The following LINGO1 variants were observed in gnomAD, a reference collection of about 807,000 sequenced individuals.
LINGO1 encodes leucine-rich repeat and immunoglobulin-like domain-containing nogo receptor-interacting protein 1.
Under a neutral mutation model 37.3 loss-of-function variants are expected in LINGO1, and 11 were observed. The observed-to-expected ratio is 0.29, with a 90% CI of 0.19 to 0.49. The LOEUF (loss-of-function observed/expected upper bound fraction) is 0.49. Ranked by LOEUF, LINGO1 falls within the 20% of genes least tolerant of loss-of-function variation. LINGO1 has a pLI of 0.99. For missense variants in LINGO1, 585 were observed against 878.2 expected, an observed-to-expected ratio of 0.67 and a Z score of 4.22; for synonymous variants, 387 against 403.0, an observed-to-expected ratio of 0.96 and a Z score of 0.48.
rs973578379 is a variant in LINGO1 at position 77,615,518 on chromosome 15, C to T, written c.389G>A (p.Arg130His). ...GACGCCTAGCGGGATGAGCTTCAGG[C>T]GGTTGCTGCGGAGACCCAGCGTCCG... ...NLRTLGLRSN[R>H]LKLIPLGVFT... Residue 130 changes from arginine (R) to histidine (H), a missense_variant, in exon 2 of 2, where the codon CGC (arginine) becomes CAC (histidine). Arg to His is a conservative substitution (Grantham distance 29). This residue lies in a region of LINGO1 where 484 missense variants were observed against 735.0 expected (regional missense o/e 0.66). Coordinates refer to ENST00000355300, the MANE Select transcript of LINGO1 (RefSeq NM_032808.7). The T allele has an allele frequency of 3.7e-6, 6 of 1,613,700 alleles. No homozygotes were observed. Among genetic ancestry groups the T allele is most frequent in the African/African-American group, 1.3e-5 (1 of 74,938 alleles).
chr15:77,743,822 G>C (rs551056931), intron 1 of LINGO1, among the ~76,000 whole-genome samples: 1 of 151,980 alleles, frequency 6.6e-6, no homozygotes, highest in African/African-American at 2.4e-5. Flanking sequence ...AGACTGCGGG[G>C]GTGGGGGAGT....
intron 3 of LINGO1, among the ~76,000 whole-genome samples, chr15:77,644,782 G>C (rs1284951622): frequency 6.6e-6 from 1 of 152,198 alleles, no homozygotes; most frequent in African/African-American, 2.4e-5. Context: ...AGAGGGGTGA[G>C]GTAAGTTGCA....
At chr15:77,820,744 G>A (rs1300606910), upstream of LINGO1, 1 of 152,282 alleles carries the variant, frequency 6.6e-6, no homozygotes, top group African/African-American at 2.4e-5. Flanking sequence ...AGAAGGGGGA[G>A]TCCCAAGGTA....
chr15:77,709,799 G>A (rs2075896134), intron 2 of LINGO1, among the ~76,000 whole-genome samples: 1 of 152,210 alleles, frequency 6.6e-6, no homozygotes, highest in African/African-American at 2.4e-5. Context: ...GTCCCTTGAT[G>A]AGCACCTACG....
At chr15:77,724,233 T>C (rs1297592121) in intron 2 of LINGO1, among the ~76,000 whole-genome samples, 1 of 152,094 alleles carries the variant, frequency 6.6e-6, no homozygotes, top group Non-Finnish European at 1.5e-5. Context: ...CATGCACACA[T>C]ACAGATGCAC....
chr15:77,641,135 C>G (rs2074496449), intron 3 of LINGO1, among the ~76,000 whole-genome samples: 1 of 152,218 alleles, frequency 6.6e-6, no homozygotes, highest in South Asian at 2.1e-4. Flanking sequence ...AGGGGAGAGA[C>G]AGCCAGCCCT....
At chr15:77,715,626 T>C (rs2075974492) in intron 2 of LINGO1, among the ~76,000 whole-genome samples, 1 of 152,174 alleles carries the variant, frequency 6.6e-6, no homozygotes, top group Non-Finnish European at 1.5e-5. Flanking sequence ...CACAAAGAAA[T>C]AATGGGAACA....
chr15:77,696,856 A>G (rs1393112548), upstream of LINGO1, among the ~76,000 whole-genome samples: 2 of 152,214 alleles, frequency 1.3e-5, no homozygotes, highest in Admixed American at 6.5e-5. Context: ...GCAGGCTTAG[A>G]GTCAGGGGTT....
intron 2 of LINGO1, among the ~76,000 whole-genome samples, chr15:77,688,762 A>G (rs1225512754): frequency 1.3e-5 from 2 of 152,278 alleles, no homozygotes; most frequent in Non-Finnish European, 2.9e-5. Context: ...GGAAGAAATC[A>G]GGACAAAGGA....
At chr15:77,801,512 C>T (rs995680213) in intron 1 of LINGO1, among the ~76,000 whole-genome samples, 2 of 152,122 alleles carry the variant, frequency 1.3e-5, no homozygotes, top group East Asian at 1.9e-4. Context: ...GACAAGTGGG[C>T]TTTCATGGCC....
At chr15:77,722,808 T>A (rs372045559) in intron 2 of LINGO1, among the ~76,000 whole-genome samples, 1 of 152,076 alleles carries the variant, frequency 6.6e-6, no homozygotes, top group Non-Finnish European at 1.5e-5. Flanking sequence ...TGACAGAGCA[T>A]GGAATTTGAG....
intron 1 of LINGO1, 99 bp from the exon 2 acceptor site, chr15:77,615,999 G>A (rs2073706401): frequency 3.7e-6 from 3 of 810,596 alleles, no homozygotes; most frequent in African/African-American, 3.5e-5. Context: ...GCCCTGTCAC[G>A]ATGACCCTGA....
chr15:77,698,650 G>A (rs1015326023), upstream of LINGO1, among the ~76,000 whole-genome samples: 1 of 152,232 alleles, frequency 6.6e-6, no homozygotes, highest in Non-Finnish European at 1.5e-5. Flanking sequence ...GGAAACCAGA[G>A]AGACATAGTG....
Position 77,632,328 on chromosome 15 carries a change from T to C in LINGO1, c.-13A>G, listed in dbSNP as rs1242036638. The C allele has an allele frequency of 7.0e-7, 1 of 1,436,832 alleles. No individual in the cohort carries two copies. The allele number at this position is 1,436,832 out of a possible 1,614,324, so 89.0% of individuals were successfully genotyped here. On this transcript the variant is annotated 5_prime_UTR_variant, in exon 1 of 2. Coordinates refer to ENST00000355300, the MANE Select transcript of LINGO1 (RefSeq NM_032808.7). This position sits in a 1 kb window ranked among gnomAD's most constrained non-coding sequence, Gnocchi z 6.0. ...GGCTCACCTGCATCTCGGGCGCGCC[T>C]TCGGTCCGCTCGGCTCGGTCACCAA... is the stretch of plus-strand genomic sequence containing the variant.
intron 2 of LINGO1, among the ~76,000 whole-genome samples, chr15:77,719,873 T>C (rs1183163361): frequency 9.4e-6 from 1 of 105,826 alleles, no homozygotes; most frequent in African/African-American, 2.9e-5. Flanking sequence ...CACATGTGCA[T>C]GCATACACAC....
intron 2 of LINGO1, among the ~76,000 whole-genome samples, chr15:77,716,732 C>T (rs1279255836): frequency 6.7e-6 from 1 of 150,364 alleles, no homozygotes; most frequent in Admixed American, 6.7e-5. Flanking sequence ...TCCACCTCCA[C>T]TACCAAGTCT....
chr15:77,625,289 C>A (rs1477562878), intron 1 of LINGO1, among the ~76,000 whole-genome samples: 1 of 152,202 alleles, frequency 6.6e-6, no homozygotes, highest in Non-Finnish European at 1.5e-5. Flanking sequence ...GATTGGTAAA[C>A]CCCTCGTAGG....
At chr15:77,817,958 T>C (rs544984590) in intron 1 of LINGO1, among the ~76,000 whole-genome samples, 20 of 152,328 alleles carry the variant, frequency 1.3e-4, no homozygotes, top group African/African-American at 4.3e-4. Flanking sequence ...GACATTACCA[T>C]ACTCCAGAGA....
intron 1 of LINGO1, among the ~76,000 whole-genome samples, chr15:77,818,005 C>G (rs914319028): frequency 1.3e-5 from 2 of 152,182 alleles, no homozygotes; most frequent in African/African-American, 4.8e-5. Flanking sequence ...CACCACACCC[C>G]TCCACACAGC....
Sources: gnomAD v4.1 joint callset for allele counts (sites outside exome capture counted in the v4.1 genomes callset) on GRCh38, gnomAD v4.1.1 for gene constraint, gnomAD v4.1.1 regional missense constraint, Gnocchi (gnomAD v3.1) non-coding constraint, MANE v1.5 for transcripts, NCBI Gene and HGNC (gene_info 2026-07-23, HGNC 2026-07-21) for gene names.